KLHL13: variants seen among roughly 807,000 people sequenced by gnomAD.
KLHL13 encodes kelch-like protein 13.
In KLHL13, 10 loss-of-function variants were observed where a neutral mutation model predicts 37.1. The observed-to-expected ratio is 0.27, with a 90% CI of 0.17 to 0.46. The LOEUF (loss-of-function observed/expected upper bound fraction) is 0.46, where lower values mean the gene tolerates loss of function less well. KLHL13 is among the 20% of genes least tolerant of loss of function. KLHL13 has a pLI of 1.00. For missense variants in KLHL13, 360 were observed against 509.3 expected, an observed-to-expected ratio of 0.71 and a Z score of 2.82; for synonymous variants, 163 against 181.2, an observed-to-expected ratio of 0.90 and a Z score of 0.81.
At chrX:117,916,497 G>C (rs1187351220) in intron 4 of KLHL13, among the ~76,000 whole-genome samples, 1 of 112,173 alleles carries the variant, frequency 8.9e-6, no homozygotes, top group Non-Finnish European at 1.9e-5. Flanking sequence ...AGTTAGAAGG[G>C]AGGTTGGCTC....
chrX:117,938,850 CT>C (rs935879851), intron 2 of KLHL13, among the ~76,000 whole-genome samples: 2 of 110,598 alleles, frequency 1.8e-5, no homozygotes, highest in Admixed American at 9.7e-5. Flanking sequence ...ATTTACACAG[CT>C]TTTTTTTGAG....
intron 1 of KLHL13, among the ~76,000 whole-genome samples, chrX:118,087,246 C>A (rs1195955575): frequency 9.1e-6 from 1 of 110,383 alleles, no homozygotes; most frequent in Non-Finnish European, 1.9e-5. Flanking sequence ...ACTAGCCTTC[C>A]CTTAACCACC....
At chrX:117,930,722 C>T (rs6646001) in intron 2 of KLHL13, among the ~76,000 whole-genome samples, 11,350 of 111,040 alleles carry the variant, frequency 0.1, 593 homozygotes, top group African/African-American at 0.2. Flanking sequence ...ATAAGAATAA[C>T]TTATTGTACC....
intron 1 of KLHL13, among the ~76,000 whole-genome samples, chrX:117,992,020 G>C (rs780801810): frequency 9.1e-6 from 1 of 109,999 alleles, no homozygotes; most frequent in Admixed American, 9.8e-5. Flanking sequence ...CCAGGATGAG[G>C]TGGCTATCAG....
At chrX:118,109,215 A>C (rs749882496) in intron 1 of KLHL13, among the ~76,000 whole-genome samples, 7 of 111,869 alleles carry the variant, frequency 6.3e-5, no homozygotes, top group Non-Finnish European at 1.1e-4. Context: ...AGAACTCAAC[A>C]CATGTTTAGA....
chrX:118,065,056 C>T (rs762684566), intron 1 of KLHL13, among the ~76,000 whole-genome samples: 12 of 111,154 alleles, frequency 1.1e-4, no homozygotes, highest in Non-Finnish European at 2.1e-4. Context: ...ACTGCTGGAT[C>T]GACAAGACGT....
chrX:117,944,574 C>T (rs1313482783), intron 2 of KLHL13, among the ~76,000 whole-genome samples: 2 of 111,358 alleles, frequency 1.8e-5, no homozygotes, highest in African/African-American at 6.5e-5. Context: ...GGTTCTTGAT[C>T]AGGGATATGC....
At chrX:118,100,756 C>T (rs952102791) in intron 1 of KLHL13, among the ~76,000 whole-genome samples, 1 of 111,520 alleles carries the variant, frequency 9.0e-6, no homozygotes. Flanking sequence ...CTAAAGAGAT[C>T]TCAAAATTCT....
chrX:117,951,790 G>A (rs1380736148), intron 1 of KLHL13, among the ~76,000 whole-genome samples: 6 of 112,305 alleles, frequency 5.3e-5, no homozygotes, highest in Admixed American at 4.7e-4. Flanking sequence ...TAAGCACTGT[G>A]CCAGGCACAT....
At chrX:118,024,460 G>A (rs1225677997) in intron 1 of KLHL13, among the ~76,000 whole-genome samples, 1 of 111,544 alleles carries the variant, frequency 9.0e-6, no homozygotes, top group African/African-American at 3.3e-5. Context: ...ACCAGAATTC[G>A]AGGGTAAGCC....
At chrX:118,037,567 G>T (rs909443980) in intron 1 of KLHL13, among the ~76,000 whole-genome samples, 2 of 105,994 alleles carry the variant, frequency 1.9e-5, no homozygotes, top group Non-Finnish European at 3.9e-5. Flanking sequence ...ACACAGGAAG[G>T]GGAACATCAC....
At chrX:118,098,439 G>C (rs1428204412) in intron 1 of KLHL13, among the ~76,000 whole-genome samples, 2 of 110,988 alleles carry the variant, frequency 1.8e-5, no homozygotes, top group African/African-American at 6.6e-5. Context: ...GTGCTGGAGA[G>C]GATGTGGAGA....
chrX:118,042,933 C>T (rs1183774427), intron 1 of KLHL13, among the ~76,000 whole-genome samples: 3 of 102,192 alleles, frequency 2.9e-5, no homozygotes, highest in Non-Finnish European at 2.0e-5. Context: ...AAAAAAAATA[C>T]AAAAGATCAA....
intron 1 of KLHL13, among the ~76,000 whole-genome samples, chrX:118,007,010 T>C (rs2053991469): frequency 9.0e-6 from 1 of 111,490 alleles, no homozygotes; most frequent in Admixed American, 9.6e-5. Flanking sequence ...TATCGCTCCC[T>C]AGAGGCCTTA....
intron 1 of KLHL13, among the ~76,000 whole-genome samples, chrX:117,992,300 C>CT (rs1200529069): frequency 9.2e-6 from 1 of 109,154 alleles, no homozygotes; most frequent in Non-Finnish European, 1.9e-5. Flanking sequence ...CTCTATCACT[C>CT]TGTCTTCTAG....
intron 2 of KLHL13, among the ~76,000 whole-genome samples, chrX:117,922,018 A>T (rs1320197312): frequency 8.9e-6 from 1 of 112,163 alleles, no homozygotes; most frequent in Non-Finnish European, 1.9e-5. Context: ...AAACCCAAAC[A>T]TTATATATCC....
chrX:118,003,259 G>A (rs2053945955), intron 1 of KLHL13, among the ~76,000 whole-genome samples: 1 of 112,224 alleles, frequency 8.9e-6, no homozygotes, highest in Admixed American at 9.5e-5. Context: ...GCTCAAGCCT[G>A]TAATCCCAAC....
chrX:117,972,825 G>A, exon 1 of KLHL13: 1 of 1,209,996 alleles, frequency 8.3e-7, no homozygotes, highest in South Asian at 1.8e-5. Flanking sequence ...CATTTCAATG[G>A]CATGTTGTCA....
intron 1 of KLHL13, among the ~76,000 whole-genome samples, chrX:118,015,140 A>G (rs1408468389): frequency 9.0e-6 from 1 of 111,595 alleles, no homozygotes; most frequent in African/African-American, 3.3e-5. Context: ...ACAGCTAGTA[A>G]GTAGCAGAGT....
Sources: gnomAD v4.1 joint callset for allele counts (sites outside exome capture counted in the v4.1 genomes callset) on GRCh38, gnomAD v4.1.1 for gene constraint, MANE v1.5 for transcripts, NCBI Gene and HGNC (gene_info 2026-07-23, HGNC 2026-07-21) for gene names.